Variants in SYNE2 observed in about 807,000 individuals in gnomAD.
SYNE2 encodes the protein nesprin-2.
In SYNE2, 431 loss-of-function variants were observed where a neutral mutation model predicts 856.3. That is an observed-to-expected ratio of 0.50 (90% CI 0.47 to 0.55). The LOEUF (loss-of-function observed/expected upper bound fraction) is 0.55. Among genes scored for constraint, SYNE2 ranks in the 20% least tolerant of loss-of-function variants. The pLI, the probability that SYNE2 is intolerant of heterozygous loss-of-function variation, is 0.00. For missense variants in SYNE2, 8,129 were observed against 8,023.2 expected (o/e 1.01, Z -0.50); for synonymous variants, 2,923 against 2,872.3 (o/e 1.02, Z -0.56).
chr14:64,005,672 T>A (rs1321006501), intron 30 of SYNE2, among the ~76,000 whole-genome samples: 1 of 152,196 alleles, frequency 6.6e-6, no homozygotes, highest in Admixed American at 6.5e-5. Flanking sequence ...AAGATACTTA[T>A]TAGACATTCA....
chr14:64,224,952 G>T, intron 114 of SYNE2, 47 bp from the exon 115 acceptor site: 2 of 1,566,896 alleles, frequency 1.3e-6, no homozygotes, highest in South Asian at 1.1e-5. Context: ...TCATTGATAG[G>T]ACTAAACTGT....
chr14:64,058,877 G>A (rs1800673225), intron 49 of SYNE2, among the ~76,000 whole-genome samples: 1 of 151,834 alleles, frequency 6.6e-6, no homozygotes, highest in Non-Finnish European at 1.5e-5. Flanking sequence ...TCCTCTGACT[G>A]TGTATTTTCA....
In SYNE2 at chr14:64,170,480, G is replaced by A; in HGVS notation, c.17235+18G>A. 1 of 1,593,318 alleles carries A rather than the reference G, an allele frequency of 6.3e-7. No homozygotes were observed. The highest frequency in any genetic ancestry group is 8.6e-7 in the Non-Finnish European group (1 of 1,168,004). ...AGCTGAAGGTAGTGTATGCATCGTAGCAGTGTGAGAACCACAGGGTGGTCA... is the reference window on the plus strand; with the variant it reads ...AGCTGAAGGTAGTGTATGCATCGTAACAGTGTGAGAACCACAGGGTGGTCA... On this transcript the variant is annotated intron_variant, in intron 94 of 115. Coordinates refer to ENST00000555002, the MANE Select transcript of SYNE2 (RefSeq NM_182914.3).
At chr14:63,867,376 C>T (rs1212200701) in intron 1 of SYNE2, among the ~76,000 whole-genome samples, 2 of 129,772 alleles carry the variant, frequency 1.5e-5, no homozygotes, top group Non-Finnish European at 3.4e-5. Flanking sequence ...TGCCCTTCCT[C>T]CTCTTAAAAA....
intron 100 of SYNE2, among the ~76,000 whole-genome samples, chr14:64,208,556 A>T (rs192056233): frequency 6.6e-6 from 1 of 152,130 alleles, no homozygotes; most frequent in Non-Finnish European, 1.5e-5. Flanking sequence ...CAGTGTTTAA[A>T]CTTTGTGTCA....
intron 1 of SYNE2, among the ~76,000 whole-genome samples, chr14:63,774,757 T>A (rs534345627): frequency 1.8e-3 from 271 of 152,024 alleles, no homozygotes; most frequent in Non-Finnish European, 3.2e-3. Context: ...TTTAAATTAT[T>A]GTATTAATAA....
At chr14:63,812,073 G>A (rs1888633143) in intron 1 of SYNE2, among the ~76,000 whole-genome samples, 1 of 152,158 alleles carries the variant, frequency 6.6e-6, no homozygotes, top group African/African-American at 2.4e-5. Context: ...AAATTTACCA[G>A]GGTGGGGTTT....
In SYNE2 at chr14:64,148,960, A is replaced by G. The variant is rs562856581; in HGVS notation, c.15639+2737A>G. On this transcript the variant is annotated intron_variant, in intron 84 of 115. Coordinates refer to ENST00000555002, the MANE Select transcript of SYNE2 (RefSeq NM_182914.3). The stretch of plus-strand genomic sequence containing the variant: ...AATAGACCTAAAAGGCTGCTTTTCT[A>G]TAAATGTTAATTTCTCTTTTTTTTT... 4.0e-5 allele frequency among the ~76,000 whole-genome samples: 6 copies of G among 150,994 alleles called. No homozygotes were observed. In the East Asian group the frequency reaches 1.2e-3, roughly 29 times the overall value.
intron 8 of SYNE2, among the ~76,000 whole-genome samples, chr14:63,960,240 T>C (rs188728193): frequency 2.2e-4 from 34 of 152,382 alleles, no homozygotes; most frequent in Admixed American, 2.0e-3. Context: ...CTCAGCTTTT[T>C]ATTGCTGGCT....
Position 64,002,038 on chromosome 14 carries a change from G to C in SYNE2, c.3743G>C (p.Gly1248Ala). 6.2e-7 allele frequency: 1 copy of C among 1,613,596 alleles called. No homozygotes were observed. The highest frequency in any genetic ancestry group is 8.5e-7 in the Non-Finnish European group (1 of 1,179,542). The change falls in exon 29 of 116, where the codon GGA becomes GCA. Residue 1248 changes from glycine to alanine, a missense_variant. Physicochemically the swap from Gly to Ala is moderately conservative, Grantham distance 60. Transcript: ENST00000555002. ...DLPLHKMAIQ[G>A]FHLIDADRIY... ...CCTCTCCATAAAATGGCCATCCAGG[G>C]ATTTCATCTCATTGATGCTGATCGC...
intron 1 of SYNE2, among the ~76,000 whole-genome samples, chr14:63,838,602 A>G (rs577868119): frequency 1.3e-5 from 2 of 152,158 alleles, no homozygotes; most frequent in South Asian, 2.1e-4. Flanking sequence ...GCAGCCTCTA[A>G]TTCCTTGGCT....
At chr14:63,766,998 C>T (rs966369065) in intron 1 of SYNE2, among the ~76,000 whole-genome samples, 1 of 151,904 alleles carries the variant, frequency 6.6e-6, no homozygotes, top group African/African-American at 2.4e-5. Context: ...AAATTAAATA[C>T]ACCATATCAA....
chr14:63,936,712 T>G (rs971370646), intron 2 of SYNE2, among the ~76,000 whole-genome samples: 1 of 152,034 alleles, frequency 6.6e-6, no homozygotes, highest in Admixed American at 6.5e-5. Flanking sequence ...TTGCAGGGTT[T>G]TGAGCAAAGG....
chr14:63,910,517 G>A (rs2153353938), intron 2 of SYNE2, among the ~76,000 whole-genome samples: 1 of 152,282 alleles, frequency 6.6e-6, no homozygotes, highest in East Asian at 1.9e-4. Context: ...AATAATGTCT[G>A]AATATTCAGA....
chr14:64,108,668 A>G (rs146196294), intron 65 of SYNE2, among the ~76,000 whole-genome samples: 289 of 151,996 alleles, frequency 1.9e-3, no homozygotes, highest in Non-Finnish European at 3.2e-3. Context: ...TTTTCTCCCA[A>G]TCTTTTGTCT....
At chr14:63,781,119 A>G (rs1408922572) in intron 1 of SYNE2, among the ~76,000 whole-genome samples, 1 of 152,104 alleles carries the variant, frequency 6.6e-6, no homozygotes, top group Non-Finnish European at 1.5e-5. Context: ...TCTACTAAAA[A>G]TACAAAAAAT....
intron 1 of SYNE2, among the ~76,000 whole-genome samples, chr14:63,877,766 T>A (rs2094760438): frequency 6.6e-6 from 1 of 152,216 alleles, no homozygotes; most frequent in African/African-American, 2.4e-5. Context: ...TTTCTTAATC[T>A]CTGTGTCTGT....
intron 16 of SYNE2, among the ~76,000 whole-genome samples, chr14:63,981,950 A>G (rs896703389): frequency 6.6e-6 from 1 of 152,186 alleles, no homozygotes; most frequent in Admixed American, 6.5e-5. Flanking sequence ...TCGTCTTCCA[A>G]CAGTCTTTCT....
At chr14:64,010,711 GTTTC>G (rs2096837472) in intron 32 of SYNE2, among the ~76,000 whole-genome samples, 1 of 152,140 alleles carries the variant, frequency 6.6e-6, no homozygotes, top group Non-Finnish European at 1.5e-5. Context: ...ACACCAGAAA[GTTTC>G]TTTCTTCCCT....
Sources: gnomAD v4.1 joint callset for allele counts (sites outside exome capture counted in the v4.1 genomes callset) on GRCh38, gnomAD v4.1.1 for gene constraint, MANE v1.5 for transcripts, NCBI Gene and HGNC (gene_info 2026-07-23, HGNC 2026-07-21) for gene names.